The following PDE1A variants were observed in gnomAD, a reference collection of about 807,000 sequenced individuals.
PDE1A encodes the protein dual specificity calcium/calmodulin-dependent 3',5'-cyclic nucleotide phosphodiesterase 1A.
In PDE1A, 35 loss-of-function variants were observed where a neutral mutation model predicts 61.7. The observed-to-expected ratio is 0.57, with a 90% CI of 0.43 to 0.75. The LOEUF (loss-of-function observed/expected upper bound fraction) is 0.75, where lower values mean the gene tolerates loss of function less well. Ranked by LOEUF, PDE1A falls within the 30% of genes least tolerant of loss-of-function variation. The pLI is 0.00. For synonymous variants in PDE1A, 232 were observed against 213.2 expected (o/e 1.09, Z -0.77); for missense variants, 597 against 630.6 (o/e 0.95, Z 0.57).
intron 1 of PDE1A, among the ~76,000 whole-genome samples, chr2:182,357,611 C>A (rs1323396399): frequency 3.3e-5 from 5 of 152,116 alleles, no homozygotes; most frequent in Admixed American, 6.6e-5. Flanking sequence ...CTATTAGGAT[C>A]ATTATTATTT....
chr2:182,685,796 C>A, the PDE1A span, among the ~76,000 whole-genome samples: 1 of 152,184 alleles, frequency 6.6e-6, no homozygotes. Context: ...GATCACGCAC[C>A]TTCCTCCCCA....
intron 10 of PDE1A, among the ~76,000 whole-genome samples, chr2:182,191,441 C>T (rs559318560): frequency 2.6e-5 from 4 of 152,068 alleles, no homozygotes; most frequent in East Asian, 3.9e-4. Context: ...ATAAAGCTAC[C>T]GATAGGCTTT....
At chr2:182,677,905 T>C in the PDE1A span, among the ~76,000 whole-genome samples, 1 of 152,158 alleles carries the variant, frequency 6.6e-6, no homozygotes, top group Non-Finnish European at 1.5e-5. Flanking sequence ...TTTTATCAAA[T>C]AATCTCAGTT....
At chr2:182,619,543 T>C in the PDE1A span, among the ~76,000 whole-genome samples, 1 of 152,230 alleles carries the variant, frequency 6.6e-6, no homozygotes, top group South Asian at 2.1e-4. Flanking sequence ...GAAATATTTC[T>C]TATTCAGAGA....
At chr2:182,525,606 G>A (rs551453027), upstream of PDE1A, among the ~76,000 whole-genome samples, 55 of 152,150 alleles carry the variant, frequency 3.6e-4, no homozygotes, top group African/African-American at 1.2e-3. Context: ...TTCACCTTCC[G>A]CCAAGATTGA....
At chr2:182,278,409 A>T (rs956208594) in intron 1 of PDE1A, among the ~76,000 whole-genome samples, 2 of 152,040 alleles carry the variant, frequency 1.3e-5, no homozygotes, top group African/African-American at 2.4e-5. Context: ...CATAAACACT[A>T]AAAGGCTTCA....
the PDE1A span, among the ~76,000 whole-genome samples, chr2:182,697,001 C>G: frequency 1.3e-5 from 2 of 152,102 alleles, no homozygotes; most frequent in Non-Finnish European, 1.5e-5. Flanking sequence ...TGAGCTTGAG[C>G]TGATCACTAT....
chr2:182,169,758 T>C (rs1691962757), intron 13 of PDE1A, among the ~76,000 whole-genome samples: 1 of 152,154 alleles, frequency 6.6e-6, no homozygotes, highest in South Asian at 2.1e-4. Flanking sequence ...GATCCTTTCT[T>C]GTCCTAGTCC....
the PDE1A span, among the ~76,000 whole-genome samples, chr2:182,550,409 A>G: frequency 6.6e-6 from 1 of 152,160 alleles, no homozygotes; most frequent in Non-Finnish European, 1.5e-5. Flanking sequence ...GGCAACTATT[A>G]TACTTCTCTG....
intron 2 of PDE1A, among the ~76,000 whole-genome samples, chr2:182,464,840 C>T (rs1686546846): frequency 6.6e-6 from 1 of 151,998 alleles, no homozygotes; most frequent in South Asian, 2.1e-4. Flanking sequence ...GCTGAGACCA[C>T]CAGAACGAAA....
chr2:182,240,844 A>C (rs1690444161), intron 2 of PDE1A, among the ~76,000 whole-genome samples: 1 of 152,214 alleles, frequency 6.6e-6, no homozygotes, highest in African/African-American at 2.4e-5. Flanking sequence ...ATAACCACTT[A>C]AGTGCTCCCA....
At chr2:182,703,385 G>T in the PDE1A span, among the ~76,000 whole-genome samples, 1 of 152,180 alleles carries the variant, frequency 6.6e-6, no homozygotes. Context: ...ACAGTTATGA[G>T]TGTAGGCAAT....
intron 1 of PDE1A, among the ~76,000 whole-genome samples, chr2:182,296,569 C>T (rs954663375): frequency 3.3e-5 from 5 of 152,060 alleles, no homozygotes; most frequent in African/African-American, 9.7e-5. Flanking sequence ...GATGTATTGC[C>T]TAAGAAAAAT....
chr2:182,510,943 A>G (rs1163877184), intron 2 of PDE1A, among the ~76,000 whole-genome samples: 2 of 152,182 alleles, frequency 1.3e-5, no homozygotes, highest in Admixed American at 1.3e-4. Flanking sequence ...CTGCATCTTG[A>G]CAACCCTACT....
the PDE1A span, among the ~76,000 whole-genome samples, chr2:182,593,560 G>A: frequency 4.6e-5 from 7 of 152,254 alleles, no homozygotes; most frequent in Middle Eastern, 6.8e-3. Flanking sequence ...AGTCAGACCC[G>A]TGGGAGGGAA....
At chr2:182,522,249 G>A (rs770209101) in intron 2 of PDE1A, 11 of 1,579,750 alleles carry the variant, frequency 7.0e-6, no homozygotes, top group South Asian at 6.6e-5. Flanking sequence ...CTTTTGGGGG[G>A]AAATAAAAAG....
chr2:182,539,575 T>C, the PDE1A span, among the ~76,000 whole-genome samples: 5 of 152,364 alleles, frequency 3.3e-5, no homozygotes, highest in African/African-American at 9.6e-5. Context: ...TGGTTCATTG[T>C]TTGTTAGCTA....
At chr2:182,490,117 C>T (rs1688285031) in intron 2 of PDE1A, among the ~76,000 whole-genome samples, 2 of 152,150 alleles carry the variant, frequency 1.3e-5, no homozygotes, top group African/African-American at 4.8e-5. Flanking sequence ...CTAAATGTTG[C>T]TAATGGGCCA....
chr2:182,443,577 G>T (rs1429934770), intron 2 of PDE1A, among the ~76,000 whole-genome samples: 4 of 151,938 alleles, frequency 2.6e-5, no homozygotes, highest in Admixed American at 6.6e-5. Flanking sequence ...AACATGTGAA[G>T]ATGTGCTTGC....
Sources: gnomAD v4.1 joint callset for allele counts (sites outside exome capture counted in the v4.1 genomes callset) on GRCh38, gnomAD v4.1.1 for gene constraint, MANE v1.5 for transcripts, NCBI Gene and HGNC (gene_info 2026-07-23, HGNC 2026-07-21) for gene names.